Variants in ZNF496 observed in about 807,000 individuals in gnomAD.
ZNF496 encodes the protein zinc finger protein 496.
In ZNF496, 11 loss-of-function variants were observed where a neutral mutation model predicts 58.9. That is an observed-to-expected ratio of 0.19 (90% CI 0.12 to 0.31). ZNF496 has a LOEUF of 0.31. ZNF496 is among the 10% of genes least tolerant of loss of function. The pLI, the probability that ZNF496 is intolerant of heterozygous loss-of-function variation, is 1.00. For missense variants in ZNF496, 660 were observed against 783.0 expected (o/e 0.84, Z 1.88); for synonymous variants, 338 against 318.2 (o/e 1.06, Z -0.66).
At chr1:247,307,544 C>T (rs943760521) in intron 9 of ZNF496, 20 of 985,286 alleles carry the variant, frequency 2.0e-5, no homozygotes, top group Non-Finnish European at 2.3e-5. Flanking sequence ...ACTCTTGGCA[C>T]GCAGAGGTGG....
At chr1:247,323,980 C>T (rs1255210987) in intron 5 of ZNF496, among the ~76,000 whole-genome samples, 3 of 148,070 alleles carry the variant, frequency 2.0e-5, no homozygotes, top group Non-Finnish European at 3.0e-5. Context: ...GAAGCTGAAA[C>T]AGAAGGATTG....
chr1:247,317,111 G>A (rs1381409037), intron 6 of ZNF496, among the ~76,000 whole-genome samples: 3 of 152,108 alleles, frequency 2.0e-5, no homozygotes, highest in Admixed American at 2.0e-4. Context: ...TTTTTCTAAT[G>A]CTTCCCAACT....
At chr1:247,306,244 G>A (rs1659403257) in intron 9 of ZNF496, among the ~76,000 whole-genome samples, 1 of 151,820 alleles carries the variant, frequency 6.6e-6, no homozygotes, top group South Asian at 2.1e-4. Flanking sequence ...GTCCCAGGCT[G>A]GAGCGCAGTG....
At chr1:247,321,977 T>G (rs1027566790) in intron 6 of ZNF496, among the ~76,000 whole-genome samples, 2 of 152,172 alleles carry the variant, frequency 1.3e-5, no homozygotes, top group Admixed American at 6.5e-5. Flanking sequence ...TAGCCCTCCC[T>G]TCTCCAAGTT....
At chr1:247,303,426 A>G (rs1394682678) in intron 9 of ZNF496, among the ~76,000 whole-genome samples, 1 of 152,222 alleles carries the variant, frequency 6.6e-6, no homozygotes, top group African/African-American at 2.4e-5. Context: ...CAGCTAAAAC[A>G]AAGACCAAAA....
chr1:247,301,069 G>T lies in ZNF496; in HGVS notation c.1214C>A (p.Ser405Tyr). Residue 405 changes from serine to tyrosine, a missense_variant, in exon 10 of 10, where the codon TCC (serine) becomes TAC (tyrosine). Physicochemically the swap from Ser to Tyr is moderately radical, Grantham distance 144. Transcript: ENST00000682384. The stretch of plus-strand genomic sequence containing the variant: ...TTTCCCACAGTTCGGACACACGTAG[G>T]ACTTCTTGGAGGTCTGCACCTCGCC... Reference protein sequence around the residue: ...AGGEVQTSKKSYVCPNCGKIF... With the variant: ...AGGEVQTSKKYYVCPNCGKIF... 4 of 1,613,766 alleles carry T rather than the reference G, an allele frequency of 2.5e-6. No homozygotes were observed. The highest frequency in any genetic ancestry group is 2.5e-6 in the Non-Finnish European group (3 of 1,180,048).
chr1:247,331,322 G>A (rs981163448), intron 2 of ZNF496, 110 bp downstream of exon 2: 13 of 152,388 alleles, frequency 8.5e-5, no homozygotes, highest in African/African-American at 3.1e-4. Context: ...TGGATCGGCA[G>A]AAAGGGAAGG....
intron 9 of ZNF496, among the ~76,000 whole-genome samples, chr1:247,302,981 G>A (rs994109445): frequency 2.6e-5 from 4 of 152,216 alleles, no homozygotes; most frequent in African/African-American, 9.6e-5. Flanking sequence ...ACTGGGCGAG[G>A]AGATGGAATT....
In ZNF496 at chr1:247,328,870, C is replaced by T. The variant is rs767476581; in HGVS notation, c.391-4G>A. On this transcript the variant is annotated splice_region_variant and splice_polypyrimidine_tract_variant and intron_variant, in intron 4 of 9. Coordinates refer to ENST00000682384, the MANE Select transcript of ZNF496 (RefSeq NM_032752.3). ...CAGGGTCTTCACAGTGCTTGAGCTG[C>T]AATCCCAGAGACAGCTTTTCAGGGC... is the stretch of plus-strand genomic sequence containing the variant. The T allele has an allele frequency of 8.9e-6, 14 of 1,581,106 alleles. No individual in the cohort carries two copies. In the Admixed American group the frequency reaches 2.4e-4, roughly 27 times the overall value.
chr1:247,303,442 C>T (rs56037169), intron 9 of ZNF496, among the ~76,000 whole-genome samples: 85,183 of 151,986 alleles, frequency 0.56, 24,305 homozygotes, highest in Middle Eastern at 0.78. Context: ...CAAAAACTGT[C>T]GAAGTGATTT....
intron 9 of ZNF496, among the ~76,000 whole-genome samples, chr1:247,301,698 A>G (rs750230567): frequency 7.9e-5 from 12 of 152,184 alleles, no homozygotes; most frequent in Non-Finnish European, 7.3e-5. Context: ...TGAGAGAGGA[A>G]GACTCTACAA....
Position 247,329,557 on chromosome 1 carries a change from G to A in ZNF496, c.22C>T (p.Arg8Ter), listed in dbSNP as rs140046232. The A allele has an allele frequency of 4.5e-6, 7 of 1,564,856 alleles. No individual in the cohort carries two copies. The highest frequency in any genetic ancestry group is 1.2e-5 in the South Asian group (1 of 83,170). MPTALCP[R>*]VLAPKESEEP... ...TCACTTTCCTTCGGAGCCAAGACTCGGGGGCACAGGGCTGTGGGCATGATG... is the reference window on the plus strand; with the variant it reads ...TCACTTTCCTTCGGAGCCAAGACTCAGGGGCACAGGGCTGTGGGCATGATG... The change falls in exon 4 of 10, where the codon CGA becomes TGA. Residue 8 changes from arginine (R) to a stop codon, truncating the protein, a stop_gained. Coordinates refer to ENST00000682384, the MANE Select transcript of ZNF496 (RefSeq NM_032752.3). LOFTEE classifies it high-confidence loss of function. The surrounding 1 kb of genome is among the most constrained non-coding windows in gnomAD (Gnocchi z 5.5).
Position 247,301,131 on chromosome 1 carries a change from G to A in ZNF496, c.1152C>T (p.Ser384=), listed in dbSNP as rs201073483. ...ELGSPTEKQR[S]LPASHRSSTE... is the part of the protein sequence containing the mutation. ...TGCTGCTCCGGTGGGAGGCGGGGAG[G>A]CTGCGCTGCTTCTCTGTGGGGCTCC... The change falls in exon 10 of 10, where the codon AGC becomes AGT. Residue 384 remains serine (S), a synonymous_variant. Coordinates refer to ENST00000682384, the MANE Select transcript of ZNF496 (RefSeq NM_032752.3). 6.2e-7 allele frequency: 1 copy of A among 1,613,650 alleles called. No homozygotes were observed. Among genetic ancestry groups the A allele is most frequent in the Non-Finnish European group, 8.5e-7 (1 of 1,179,934 alleles).
At chr1:247,323,050 T>A in intron 6 of ZNF496, 104 bp downstream of exon 6, 1 of 954,512 alleles carries the variant, frequency 1.0e-6, no homozygotes, top group Non-Finnish European at 1.6e-6. Flanking sequence ...GGACTGAACA[T>A]CCTGTGTGGC....
At chr1:247,327,647 A>G (rs911428658) in intron 5 of ZNF496, among the ~76,000 whole-genome samples, 1 of 152,246 alleles carries the variant, frequency 6.6e-6, no homozygotes, top group East Asian at 1.9e-4. Context: ...TTTTCCACAC[A>G]CAGAAATTTA....
chr1:247,328,283 C>A (rs1660203699), intron 5 of ZNF496, among the ~76,000 whole-genome samples: 1 of 152,134 alleles, frequency 6.6e-6, no homozygotes. Flanking sequence ...AGTTGTTTAG[C>A]CAAGGAAACA....
rs1408106677 is a variant in ZNF496 at position 247,331,656 on chromosome 1, C to G, written c.-369-9G>C. 6.6e-6 allele frequency: 1 copy of G among 152,210 alleles called. No homozygotes were observed. The allele number at this position is 152,210 out of a possible 1,614,324, so 9.4% of individuals were successfully genotyped here. On this transcript the variant is annotated splice_polypyrimidine_tract_variant and intron_variant, in intron 1 of 9. Coordinates refer to ENST00000682384, the MANE Select transcript of ZNF496 (RefSeq NM_032752.3). The stretch of plus-strand genomic sequence containing the variant: ...GGGGCAAATGGAGGCGCCTGAAAAA[C>G]AATGGTGTTGCTTTCTCCCCCGCCC...
chr1:247,307,998 G>C (rs781020302), intron 9 of ZNF496: 6 of 985,418 alleles, frequency 6.1e-6, no homozygotes, highest in Non-Finnish European at 7.2e-6. Flanking sequence ...CCAGTTCCAA[G>C]ATTCTGTGCC....
At chr1:247,306,045 G>A (rs1436972590) in intron 9 of ZNF496, among the ~76,000 whole-genome samples, 3 of 152,198 alleles carry the variant, frequency 2.0e-5, no homozygotes, top group African/African-American at 7.2e-5. Context: ...ACAACGACAC[G>A]TGGGTTCAGG....
Sources: allele counts gnomAD v4.1 joint callset (sites outside exome capture counted in the v4.1 genomes callset), GRCh38; gene constraint gnomAD v4.1.1; non-coding constraint Gnocchi (gnomAD v3.1); transcripts MANE v1.5; gene names NCBI Gene and HGNC (gene_info 2026-07-23, HGNC 2026-07-21).